The following CSMD2 variants were observed in gnomAD, a reference collection of about 807,000 sequenced individuals.
The protein encoded by CSMD2 is CUB and Sushi multiple domains 2.
CSMD2 carries 130 observed loss-of-function variants against 398.5 expected under a neutral mutation model. That is an observed-to-expected ratio of 0.33 (90% CI 0.28 to 0.38). CSMD2 has a LOEUF of 0.38. Ranked by LOEUF, CSMD2 falls within the 10% of genes least tolerant of loss-of-function variation. The pLI, the probability that CSMD2 is intolerant of heterozygous loss-of-function variation, is 1.00. For synonymous variants in CSMD2, 1,828 were observed against 1,908.5 expected (o/e 0.96, Z 1.10); for missense variants, 3,829 against 4,764.9 (o/e 0.80, Z 5.78).
intron 5 of CSMD2, among the ~76,000 whole-genome samples, chr1:33,881,017 ACAC>A (rs1478107762): frequency 1.3e-5 from 2 of 152,238 alleles, no homozygotes; most frequent in African/African-American, 4.8e-5. Context: ...ACTGTGCTAA[ACAC>A]CACAAGGCAA....
chr1:33,933,364 T>C (rs1403831631), intron 4 of CSMD2, among the ~76,000 whole-genome samples: 1 of 152,174 alleles, frequency 6.6e-6, no homozygotes, highest in African/African-American at 2.4e-5. Flanking sequence ...GCATTGGATA[T>C]TGCTGAGTAT....
At chr1:33,954,635 G>A (rs1645108462) in intron 3 of CSMD2, among the ~76,000 whole-genome samples, 1 of 152,206 alleles carries the variant, frequency 6.6e-6, no homozygotes, top group African/African-American at 2.4e-5. Context: ...GACAAAAGAC[G>A]GGAATTCTGA....
chr1:33,816,548 G>A (rs12567943), intron 9 of CSMD2, among the ~76,000 whole-genome samples: 16,402 of 152,192 alleles, frequency 0.11, 1,190 homozygotes, highest in East Asian at 0.28. Context: ...ACTTATTTTT[G>A]AATATTGGGC....
At position 33,865,399 on chromosome 1, in the gene CSMD2, C is replaced by CAAA. The variant is rs56728239; in HGVS notation, c.921-18406_921-18404dup. Among the ~76,000 whole-genome samples, 6 of 120,918 alleles carry CAAA rather than the reference C, an allele frequency of 5.0e-5. No individual in the cohort carries two copies. The South Asian group carries it at 1.1e-3, about 23-fold the overall frequency. The allele number at this position is 120,918 out of a possible 152,430, so 79.3% of individuals were successfully genotyped here. On this transcript the variant is annotated intron_variant, in intron 5 of 70. Coordinates refer to ENST00000373381, the MANE Select transcript of CSMD2 (RefSeq NM_001281956.2). ...GGAGGAGGCAAGGGGCAGATTTTACCAAAAAAAAAAAAAAAAAGCAGGGGG... is the reference window on the plus strand; with the variant it reads ...GGAGGAGGCAAGGGGCAGATTTTACCAAAAAAAAAAAAAAAAAAAAGCAGGGGG...
chr1:33,832,102 A>T, intron 6 of CSMD2, among the ~76,000 whole-genome samples: 1 of 129,608 alleles, frequency 7.7e-6, no homozygotes, highest in East Asian at 2.5e-4. Flanking sequence ...AGACAGATCA[A>T]CGAGACAGAA....
At chr1:33,725,804 T>C in intron 16 of CSMD2, among the ~76,000 whole-genome samples, 1 of 152,066 alleles carries the variant, frequency 6.6e-6, no homozygotes, top group Non-Finnish European at 1.5e-5. Flanking sequence ...AGAGGCACAA[T>C]GACTAGCCTC....
At chr1:33,614,745 G>A (rs1641275499) in intron 39 of CSMD2, 125 bp from the exon 40 acceptor site, 6 of 595,110 alleles carry the variant, frequency 1.0e-5, no homozygotes, top group Non-Finnish European at 1.8e-5. Context: ...AGCCCCTTGA[G>A]AATCCAAAGG....
chr1:33,820,513 G>A lies in CSMD2; in HGVS notation c.1155C>T (p.Asp385=), dbSNP rs1393446273. The A allele has an allele frequency of 1.3e-6, 2 of 1,599,672 alleles. No individual in the cohort carries two copies. The highest frequency in any genetic ancestry group is 1.7e-6 in the Non-Finnish European group (2 of 1,172,746). The stretch of plus-strand genomic sequence containing the variant: ...TTTTGCCCCTTTCGGGTATGCCAGG[G>A]TCTGGACACATATTATGTCCTTGGG... ...GVSQGHNMCP[D]PGIPERGKRL... The change falls in exon 8 of 71, where the codon GAC becomes GAT. Residue 385 remains aspartate (D), a synonymous_variant. Transcript: ENST00000373381.
intron 2 of CSMD2, among the ~76,000 whole-genome samples, chr1:34,050,537 G>A (rs1653055674): frequency 2.0e-5 from 3 of 152,164 alleles, no homozygotes; most frequent in African/African-American, 7.2e-5. Context: ...ACAATGAAAT[G>A]GCCTTTTCAA....
chr1:33,916,241 G>A (rs1445548127), intron 5 of CSMD2, among the ~76,000 whole-genome samples: 1 of 152,042 alleles, frequency 6.6e-6, no homozygotes, highest in African/African-American at 2.4e-5. Context: ...TATATAAATA[G>A]CCAGCTAGCT....
intron 22 of CSMD2, among the ~76,000 whole-genome samples, chr1:33,701,681 G>A (rs569399439): frequency 6.6e-6 from 1 of 152,342 alleles, no homozygotes; most frequent in Non-Finnish European, 1.5e-5. Flanking sequence ...GCTCCTGGGA[G>A]CCTGAAGTCT....
chr1:33,593,919 T>C (rs1639669538), intron 44 of CSMD2, among the ~76,000 whole-genome samples: 1 of 152,188 alleles, frequency 6.6e-6, no homozygotes, highest in African/African-American at 2.4e-5. Flanking sequence ...GACTAAAGTA[T>C]ATGTTCAAAA....
chr1:33,620,221 A>G (rs1208663052), intron 37 of CSMD2, among the ~76,000 whole-genome samples: 1 of 152,276 alleles, frequency 6.6e-6, no homozygotes, highest in African/African-American at 2.4e-5. Context: ...TAAATTAAAT[A>G]AACAATTATG....
chr1:33,597,203 C>A (rs888897780), intron 44 of CSMD2, among the ~76,000 whole-genome samples: 1 of 152,060 alleles, frequency 6.6e-6, no homozygotes, highest in Non-Finnish European at 1.5e-5. Flanking sequence ...GGGCTGCTTG[C>A]CTGGAGAAAG....
chr1:33,687,526 T>G (rs548098786), intron 25 of CSMD2, among the ~76,000 whole-genome samples: 1 of 152,020 alleles, frequency 6.6e-6, no homozygotes, highest in Non-Finnish European at 1.5e-5. Flanking sequence ...AAAAGCCAAT[T>G]AAAGCAGATC....
chr1:33,890,040 C>T (rs1231331396), intron 5 of CSMD2, among the ~76,000 whole-genome samples: 2 of 55,002 alleles, frequency 3.6e-5, no homozygotes, highest in Non-Finnish European at 6.3e-5. Flanking sequence ...CAAAGCCATA[C>T]CTATAAAAAA....
intron 48 of CSMD2, among the ~76,000 whole-genome samples, chr1:33,578,117 A>G (rs893493690): frequency 6.6e-6 from 1 of 152,134 alleles, no homozygotes; most frequent in African/African-American, 2.4e-5. Flanking sequence ...GTGTGGGGGA[A>G]TGTGCTGAGA....
chr1:33,782,860 A>C (rs1004752976), intron 12 of CSMD2, among the ~76,000 whole-genome samples: 3 of 152,144 alleles, frequency 2.0e-5, no homozygotes, highest in African/African-American at 7.2e-5. Context: ...TTTATCCTAA[A>C]ATCAATGGGA....
At chr1:33,746,511 C>A (rs746971091) in intron 13 of CSMD2, among the ~76,000 whole-genome samples, 4 of 152,154 alleles carry the variant, frequency 2.6e-5, no homozygotes, top group African/African-American at 4.8e-5. Flanking sequence ...TTCTCTAGAA[C>A]CTTTAACCAG....
Sources: allele counts gnomAD v4.1 joint callset (sites outside exome capture counted in the v4.1 genomes callset), GRCh38; gene constraint gnomAD v4.1.1; transcripts MANE v1.5; gene names NCBI Gene and HGNC (gene_info 2026-07-23, HGNC 2026-07-21).